The following KCNT1 variants were observed in gnomAD, a reference collection of about 807,000 sequenced individuals.
KCNT1 encodes the protein potassium sodium-activated channel subfamily T member 1.
A neutral mutation model predicts 147.8 loss-of-function variants in KCNT1; 78 were observed. That is an observed-to-expected ratio of 0.53 (90% CI 0.44 to 0.64). KCNT1 has a LOEUF of 0.64. Ranked by LOEUF, KCNT1 falls within the 30% of genes least tolerant of loss-of-function variation. The pLI is 0.00. For missense variants in KCNT1, 1,419 were observed against 1,750.3 expected (o/e 0.81, Z 3.38); for synonymous variants, 867 against 748.8 (o/e 1.16, Z -2.58).
At chr9:135,763,814 GTCATTAGCTCCT>G (rs1832074972) in intron 11 of KCNT1, among the ~76,000 whole-genome samples, 1 of 152,056 alleles carries the variant, frequency 6.6e-6, no homozygotes, top group African/African-American at 2.4e-5. Flanking sequence ...CGGAGCTGCC[GTCATTAGCTCCT>G]TCATCCTCAC....
At chr9:135,756,576 G>C (rs550219863) in intron 6 of KCNT1, among the ~76,000 whole-genome samples, 4 of 152,124 alleles carry the variant, frequency 2.6e-5, no homozygotes, top group African/African-American at 7.2e-5. Flanking sequence ...CGGGATAGCC[G>C]CTCTCTGGTG....
At chr9:135,731,104 C>A (rs753635839) in intron 2 of KCNT1, among the ~76,000 whole-genome samples, 16 of 151,914 alleles carry the variant, frequency 1.1e-4, no homozygotes, top group Non-Finnish European at 2.9e-5. Flanking sequence ...CCTCTGAGAT[C>A]CCACCGCCTC....
intron 17 of KCNT1, 82 bp from the exon 18 acceptor site, chr9:135,770,774 TG>T: frequency 7.6e-7 from 1 of 1,313,028 alleles, no homozygotes. Flanking sequence ...GTGGGGACTC[TG>T]GTGATTTGCA....
chr9:135,778,520 G>C, intron 22 of KCNT1, 25 bp downstream of exon 22: 1 of 1,598,032 alleles, frequency 6.3e-7, no homozygotes, highest in East Asian at 2.3e-5. Flanking sequence ...GCCGAGGCTC[G>C]TGGGGGCTCC....
intron 13 of KCNT1, among the ~76,000 whole-genome samples, chr9:135,766,049 A>T (rs1174170005): frequency 1.3e-5 from 2 of 151,382 alleles, no homozygotes; most frequent in African/African-American, 2.4e-5. Flanking sequence ...TCAAGGGTGG[A>T]CCATCCAGGG....
At chr9:135,787,804 A>G (rs1265696848) in intron 29 of KCNT1, among the ~76,000 whole-genome samples, 1 of 152,130 alleles carries the variant, frequency 6.6e-6, no homozygotes, top group Non-Finnish European at 1.5e-5. Flanking sequence ...GGGGCTCACG[A>G]GGCTGAGGGG....
At chr9:135,748,194 A>G (rs941478723) in intron 2 of KCNT1, among the ~76,000 whole-genome samples, 1 of 151,876 alleles carries the variant, frequency 6.6e-6, no homozygotes, top group Non-Finnish European at 1.5e-5. Flanking sequence ...TCTGCCTCCC[A>G]AGTTCCTGGG....
At chr9:135,785,418 C>T in intron 28 of KCNT1, 88 bp downstream of exon 28, 10 of 1,233,742 alleles carry the variant, frequency 8.1e-6, no homozygotes, top group Non-Finnish European at 1.1e-5. Flanking sequence ...GCCCCACCCA[C>T]CCACCCACCC....
chr9:135,711,123 T>C (rs774737165), intron 1 of KCNT1, among the ~76,000 whole-genome samples: 5 of 152,234 alleles, frequency 3.3e-5, no homozygotes, highest in Non-Finnish European at 5.9e-5. Flanking sequence ...GCCCCCTTCA[T>C]GACTCCTTGC....
chr9:135,786,552 A>G, intron 29 of KCNT1, 31 bp downstream of exon 29: 18 of 1,531,390 alleles, frequency 1.2e-5, no homozygotes, highest in Non-Finnish European at 1.6e-5. Context: ...TGGGGGCCGG[A>G]CGGACGGACT....
chr9:135,723,360 T>C (rs541815414), intron 2 of KCNT1, among the ~76,000 whole-genome samples: 56 of 152,344 alleles, frequency 3.7e-4, no homozygotes, highest in Admixed American at 1.7e-3. Flanking sequence ...CCAGGAGATA[T>C]CGTCCATCTT....
At chr9:135,786,102 A>C in intron 28 of KCNT1, 95 bp from the exon 29 acceptor site, 16 of 1,148,608 alleles carry the variant, frequency 1.4e-5, no homozygotes, top group Non-Finnish European at 1.9e-5. Flanking sequence ...CCCAAGCTGC[A>C]GAGCCCACAC....
rs751594227 is a variant in KCNT1 at position 135,786,466 on chromosome 9, C to G, written c.3447C>G (p.Leu1149=). 3.7e-6 allele frequency: 6 copies of G among 1,603,240 alleles called. No homozygotes were observed. The highest frequency in any genetic ancestry group is 3.4e-6 in the Non-Finnish European group (4 of 1,176,336). The stretch of plus-strand genomic sequence containing the variant: ...ACCGGCGCTCTGAGCGCCAGGAGCT[C>G]TCCGAGCTGGTGAAGAACCGCATGA... The part of the protein sequence containing the change: ...SLYRRSERQE[L]SELVKNRMKH... Residue 1149 remains leucine, a synonymous_variant, in exon 29 of 31, where the codon CTC becomes CTG. Transcript: ENST00000371757.
intron 1 of KCNT1, among the ~76,000 whole-genome samples, chr9:135,704,470 C>T (rs1395060744): frequency 6.6e-6 from 1 of 152,168 alleles, no homozygotes; most frequent in African/African-American, 2.4e-5. Context: ...GGCCTCTGGC[C>T]TCCAGGCTCC....
In KCNT1 at chr9:135,792,267, ACT is replaced by A; in HGVS notation, c.*109_*110del. 2 of 1,362,026 alleles carry A rather than the reference ACT, an allele frequency of 1.5e-6. No homozygotes were observed. Among genetic ancestry groups the A allele is most frequent in the South Asian group, 1.4e-5 (1 of 70,086 alleles). 84.4% of individuals were successfully genotyped at this position (1,362,026 alleles called of 1,614,324 possible). Reference sequence around the variant, plus strand: ...ACTAGCGTGACCCTGGGGATGGCACACTCTACTCACCATGGCTCCTGGGACTC... The same window carrying A: ...ACTAGCGTGACCCTGGGGATGGCACACTACTCACCATGGCTCCTGGGACTC... On this transcript the variant is annotated 3_prime_UTR_variant, in exon 31 of 31. Coordinates refer to ENST00000371757, the MANE Select transcript of KCNT1 (RefSeq NM_020822.3).
rs559088025 is a variant in KCNT1, at chr9:135,791,790, T to A, written c.3503-7T>A. 6.2e-7 allele frequency: 1 copy of A among 1,613,230 alleles called. No homozygotes were observed. The highest frequency in any genetic ancestry group is 1.3e-5 in the African/African-American group (1 of 74,936). ...GGGTGACGTCTGCCCGGCTGTGTCC[T>A]TTGCAGACGAGATGAACGACCACCA... is the stretch of plus-strand genomic sequence containing the variant. On this transcript the variant is annotated splice_region_variant and splice_polypyrimidine_tract_variant and intron_variant, in intron 29 of 30. Coordinates refer to ENST00000371757, the MANE Select transcript of KCNT1 (RefSeq NM_020822.3).
At chr9:135,761,767 G>A (rs919434107) in intron 11 of KCNT1, among the ~76,000 whole-genome samples, 6 of 152,198 alleles carry the variant, frequency 3.9e-5, no homozygotes, top group South Asian at 2.1e-4. Context: ...AGAAACATCC[G>A]AGAGGCCCCT....
intron 5 of KCNT1, among the ~76,000 whole-genome samples, chr9:135,754,696 C>T (rs1831375588): frequency 1.3e-5 from 2 of 152,234 alleles, no homozygotes; most frequent in African/African-American, 4.8e-5. Context: ...GACCTCCCTG[C>T]TCTTAGGGAC....
chr9:135,746,573 A>G (rs2131397204), intron 2 of KCNT1, among the ~76,000 whole-genome samples: 1 of 152,322 alleles, frequency 6.6e-6, no homozygotes, highest in Middle Eastern at 3.4e-3. Flanking sequence ...AGGGGAGCCC[A>G]GGGGGACGCA....
Sources: gnomAD v4.1 joint callset for allele counts (sites outside exome capture counted in the v4.1 genomes callset) on GRCh38, gnomAD v4.1.1 for gene constraint, MANE v1.5 for transcripts, NCBI Gene and HGNC (gene_info 2026-07-23, HGNC 2026-07-21) for gene names.